The following ARHGEF10L variants were observed in gnomAD, a reference collection of about 807,000 sequenced individuals.
ARHGEF10L encodes Rho guanine nucleotide exchange factor 10 like.
Under a neutral mutation model 141.2 loss-of-function variants are expected in ARHGEF10L, and 69 were observed. The ratio of observed to expected loss-of-function variants is 0.49; its 90% CI spans 0.40 to 0.60. The LOEUF (loss-of-function observed/expected upper bound fraction) is 0.60. ARHGEF10L is among the 20% of genes least tolerant of loss of function. ARHGEF10L has a pLI of 0.00. For missense variants in ARHGEF10L, 1,482 were observed against 1,734.3 expected (o/e 0.85, Z 2.58); for synonymous variants, 711 against 718.5 (o/e 0.99, Z 0.17).
rs1176565551 is a variant in ARHGEF10L at position 17,573,416 on chromosome 1, G to T, written c.-43-7137G>T. 1.3e-5 allele frequency among the ~76,000 whole-genome samples: 2 copies of T among 152,186 alleles called. No individual in the cohort carries two copies. Among genetic ancestry groups the T allele is most frequent in the Admixed American group, 1.3e-4 (2 of 15,286 alleles). ...GGGAGCCACGGTGCCCCATCACAGG[G>T]ACACCCCTGATGTGGGGCTGAGGGT... On this transcript the variant is annotated intron_variant, in intron 1 of 28. Coordinates refer to ENST00000361221, the MANE Select transcript of ARHGEF10L (RefSeq NM_018125.4). The surrounding 1 kb of genome is among the most constrained non-coding windows in gnomAD (Gnocchi z 4.8).
At chr1:17,640,068 C>T (rs796956662) in intron 20 of ARHGEF10L, 134 bp from the exon 21 acceptor site, 13 of 1,478,952 alleles carry the variant, frequency 8.8e-6, no homozygotes, top group African/African-American at 2.8e-5. Flanking sequence ...TCTTTGGCCA[C>T]GTTTTGGGGA....
chr1:17,575,022 G>C (rs2078165334), intron 1 of ARHGEF10L, among the ~76,000 whole-genome samples: 1 of 152,234 alleles, frequency 6.6e-6, no homozygotes, highest in Non-Finnish European at 1.5e-5. Flanking sequence ...CAGCCTCATG[G>C]GTTCCTGGTC....
At chr1:17,626,153 C>T in intron 14 of ARHGEF10L, 105 bp downstream of exon 14, 2 of 907,310 alleles carry the variant, frequency 2.2e-6, no homozygotes, top group Admixed American at 4.7e-5. Context: ...GTCCGTGATC[C>T]ATAACCCACC....
chr1:17,673,350 G>A lies in ARHGEF10L; in HGVS notation c.3009+8755G>A, dbSNP rs889007264. ...TCTGAGCCCGGCAGCAGGGAGAGGG[G>A]GAGGGCAGATGCCCAAGGGGCAGCT... On this transcript the variant is annotated intron_variant, in intron 26 of 28. Coordinates refer to ENST00000361221, the MANE Select transcript of ARHGEF10L (RefSeq NM_018125.4). The surrounding 1 kb of genome is among the most constrained non-coding windows in gnomAD (Gnocchi z 4.1). Among the ~76,000 whole-genome samples the A allele has an allele frequency of 1.9e-4, 29 of 152,100 alleles. No individual in the cohort carries two copies. Among genetic ancestry groups the A allele is most frequent in the African/African-American group, 7.0e-4 (29 of 41,396 alleles).
At chr1:17,663,138 C>T (rs111589331) in intron 25 of ARHGEF10L, among the ~76,000 whole-genome samples, 109 of 152,262 alleles carry the variant, frequency 7.2e-4, no homozygotes, top group African/African-American at 2.5e-3. Flanking sequence ...GCTTGGATGC[C>T]GGAGAAAATG....
intron 4 of ARHGEF10L, among the ~76,000 whole-genome samples, chr1:17,596,619 TC>T (rs1428734963): frequency 3.3e-5 from 5 of 152,198 alleles, no homozygotes. Context: ...GGGGGTCTCC[TC>T]CCCGACCACC....
At chr1:17,686,753 G>A (rs2064636172) in intron 26 of ARHGEF10L, among the ~76,000 whole-genome samples, 1 of 152,106 alleles carries the variant, frequency 6.6e-6, no homozygotes, top group African/African-American at 2.4e-5. Context: ...AAGGAACTTG[G>A]ACTTTCTCCT....
chr1:17,618,114 G>A (rs560617932), intron 9 of ARHGEF10L, among the ~76,000 whole-genome samples: 96 of 152,300 alleles, frequency 6.3e-4, no homozygotes, highest in Admixed American at 2.5e-3. Flanking sequence ...ACTGACCCCC[G>A]ATGATGGAGG....
At position 17,580,611 on chromosome 1, in the gene ARHGEF10L, C is replaced by T. The variant is rs765466357; in HGVS notation, c.16C>T (p.Pro6Ser). MASSN[P>S]PPQPAIGDQL... ...ACCTTGTCTGATGGCTTCCTCCAAC[C>T]CTCCTCCACAGCCTGCCATAGGTAC... is the stretch of plus-strand genomic sequence containing the variant. Residue 6 changes from proline to serine, a missense_variant, in exon 2 of 29, where the codon CCT becomes TCT. This residue lies in a region of ARHGEF10L where 232 missense variants were observed against 225.9 expected (regional missense o/e 1.03). Transcript: ENST00000361221. 10 of 1,614,184 alleles carry T rather than the reference C, an allele frequency of 6.2e-6. 1 individual carries two copies. The highest frequency in any genetic ancestry group is 3.3e-5 in the South Asian group (3 of 91,078).
chr1:17,554,753 C>G (rs1237619578), intron 1 of ARHGEF10L, among the ~76,000 whole-genome samples: 1 of 151,986 alleles, frequency 6.6e-6, no homozygotes, highest in Non-Finnish European at 1.5e-5. Context: ...ACATGCTAAG[C>G]TAGTTTTTGC....
rs2076643268 is a variant in ARHGEF10L at position 17,539,707 on chromosome 1, A to G, written c.-287A>G. On this transcript the variant is annotated 5_prime_UTR_variant, in exon 1 of 29. Transcript: ENST00000361221. This position sits in a 1 kb window ranked among gnomAD's most constrained non-coding sequence, Gnocchi z 6.0. ...GGGCGGGGGCGGCGCCGCGTCGCGCACGGCGGCGGCGGCGGGACCAGGCCT... is the reference window on the plus strand; with the variant it reads ...GGGCGGGGGCGGCGCCGCGTCGCGCGCGGCGGCGGCGGCGGGACCAGGCCT... 7.0e-6 allele frequency: 1 copy of G among 143,494 alleles called. No homozygotes were observed. The highest frequency in any genetic ancestry group is 1.5e-5 in the Non-Finnish European group (1 of 64,924). 8.9% of individuals were successfully genotyped at this position (143,494 alleles called of 1,614,324 possible).
intron 25 of ARHGEF10L, among the ~76,000 whole-genome samples, chr1:17,662,495 G>A (rs2062692484): frequency 1.3e-5 from 2 of 152,172 alleles, no homozygotes; most frequent in Admixed American, 6.5e-5. Flanking sequence ...TGCTCACGCT[G>A]GCTGGCCGGG....
At chr1:17,564,854 G>C (rs1385686113) in intron 1 of ARHGEF10L, among the ~76,000 whole-genome samples, 1 of 152,184 alleles carries the variant, frequency 6.6e-6, no homozygotes, top group East Asian at 1.9e-4. Flanking sequence ...GGCAACCCAA[G>C]GAGCCACTGC....
At chr1:17,676,554 G>A (rs550805625) in intron 26 of ARHGEF10L, among the ~76,000 whole-genome samples, 40 of 152,100 alleles carry the variant, frequency 2.6e-4, no homozygotes, top group African/African-American at 8.7e-4. Context: ...AGAGCTCAGA[G>A]CAGAGCAGGG....
At chr1:17,543,107 G>T (rs1250669951) in intron 1 of ARHGEF10L, among the ~76,000 whole-genome samples, 1 of 152,156 alleles carries the variant, frequency 6.6e-6, no homozygotes, top group Non-Finnish European at 1.5e-5. Flanking sequence ...TCAGTGGAGG[G>T]CATCAGAGCC....
chr1:17,662,245 G>C (rs936323112), intron 25 of ARHGEF10L, among the ~76,000 whole-genome samples: 16 of 152,120 alleles, frequency 1.1e-4, no homozygotes, highest in African/African-American at 3.6e-4. Flanking sequence ...AGGAAGGAGG[G>C]CCTGGTGTGC....
At chr1:17,525,228 C>T in the ARHGEF10L span, among the ~76,000 whole-genome samples, 2 of 152,198 alleles carry the variant, frequency 1.3e-5, no homozygotes, top group Admixed American at 1.3e-4. Flanking sequence ...TGCCCCTGCC[C>T]ACCTTCTCCC....
At position 17,545,730 on chromosome 1, in the gene ARHGEF10L, T is replaced by C. The variant is rs542776786; in HGVS notation, c.-44+5780T>C. ...TGGATTCAGGACCTGCATGAGAGAG[T>C]AGAGGCAGACGGTTGCTCTTGTACA... On this transcript the variant is annotated intron_variant, in intron 1 of 28. Coordinates refer to ENST00000361221, the MANE Select transcript of ARHGEF10L (RefSeq NM_018125.4). Among the ~76,000 whole-genome samples, 10 of 152,056 alleles carry C rather than the reference T, an allele frequency of 6.6e-5. No homozygotes were observed. The East Asian group carries it at 1.9e-3, about 29-fold the overall frequency.
chr1:17,648,505 G>A (rs368675849), intron 21 of ARHGEF10L, 49 bp from the exon 22 acceptor site: 271 of 1,600,386 alleles, frequency 1.7e-4, no homozygotes, highest in Non-Finnish European at 2.1e-4. Flanking sequence ...TGGCCCAGTT[G>A]GTCCTTGGAC....
Sources: allele counts gnomAD v4.1 joint callset (sites outside exome capture counted in the v4.1 genomes callset), GRCh38; gene constraint gnomAD v4.1.1; regional missense constraint gnomAD v4.1.1; non-coding constraint Gnocchi (gnomAD v3.1); transcripts MANE v1.5; gene names NCBI Gene and HGNC (gene_info 2026-07-23, HGNC 2026-07-21).